The following DISP1 variants were observed in gnomAD, a reference collection of about 807,000 sequenced individuals.
The protein encoded by DISP1 is protein dispatched homolog 1.
In DISP1, 30 loss-of-function variants were observed where a neutral mutation model predicts 37.3. The ratio of observed to expected loss-of-function variants is 0.80; its 90% CI spans 0.60 to 1.09. The LOEUF is 1.09. Among genes scored for constraint, DISP1 ranks in the 50% least tolerant of loss-of-function variants. DISP1 has a pLI of 0.00. For synonymous variants in DISP1, 634 were observed against 690.2 expected (o/e 0.92, Z 1.28); for missense variants, 1,598 against 1,879.5 (o/e 0.85, Z 2.77).
In DISP1 at chr1:222,942,828, C is replaced by CTATG. The variant is rs1255146655; in HGVS notation, c.6_9dup (p.Ser4TyrfsTer7). The CTATG allele has an allele frequency of 6.2e-7, 1 of 1,613,992 alleles. No homozygotes were observed. Among genetic ancestry groups the CTATG allele is most frequent in the African/African-American group, 1.3e-5 (1 of 74,896 alleles). The stretch of plus-strand genomic sequence containing the variant: ...TTAGAGTCAAGAAATTGGAGCATGG[C>CTATG]TATGAGCAATGGAAACAATGATTTT... On this transcript the variant is annotated frameshift_variant, in exon 3 of 9. Coordinates refer to ENST00000675850, the MANE Select transcript of DISP1 (RefSeq NM_001377229.1). LOFTEE classifies it high-confidence loss of function.
intron 1 of DISP1, among the ~76,000 whole-genome samples, chr1:222,875,843 A>AAAG (rs1669944887): frequency 1.4e-5 from 2 of 145,246 alleles, no homozygotes; most frequent in Non-Finnish European, 3.1e-5. Context: ...AAAAAAAAAA[A>AAAG]AAAGAAAGAA....
At chr1:222,935,215 GT>G (rs1673646537) in intron 2 of DISP1, among the ~76,000 whole-genome samples, 1 of 152,116 alleles carries the variant, frequency 6.6e-6, no homozygotes, top group Non-Finnish European at 1.5e-5. Context: ...CTGGTTTAGT[GT>G]TTTGTATTTA....
At chr1:222,870,364 C>T (rs1669471233) in intron 1 of DISP1, among the ~76,000 whole-genome samples, 2 of 152,216 alleles carry the variant, frequency 1.3e-5, no homozygotes, top group Admixed American at 6.5e-5. Context: ...GGAATCTGCA[C>T]ACTGACTTCC....
intron 3 of DISP1, among the ~76,000 whole-genome samples, chr1:222,957,988 G>T (rs543915024): frequency 2.6e-5 from 4 of 152,304 alleles, no homozygotes; most frequent in South Asian, 2.1e-4. Flanking sequence ...ACATTATGCA[G>T]AAAACCTATT....
chr1:222,922,273 C>A (rs1672842928), intron 1 of DISP1, among the ~76,000 whole-genome samples: 1 of 152,052 alleles, frequency 6.6e-6, no homozygotes, highest in Non-Finnish European at 1.5e-5. Context: ...TTGATCAGAT[C>A]TATCTCTTAT....
chr1:222,943,141 T>C lies in DISP1; in HGVS notation c.318T>C (p.Pro106=). ...SHQECHPEAG[P]AAPSALASCC... ...AAGAGTGCCATCCCGAGGCTGGCCC[T>C]GCAGCACCCTCTGCTTTGGCCTCGT... The change falls in exon 3 of 9, where the codon CCT becomes CCC. Residue 106 remains proline, a synonymous_variant. Transcript: ENST00000675850. The C allele has an allele frequency of 1.2e-6, 2 of 1,613,314 alleles. No homozygotes were observed. The highest frequency in any genetic ancestry group is 1.7e-6 in the Non-Finnish European group (2 of 1,179,242).
chr1:222,819,515 T>C (rs201429005), intron 1 of DISP1, among the ~76,000 whole-genome samples: 8 of 139,254 alleles, frequency 5.7e-5, no homozygotes, highest in Non-Finnish European at 1.1e-4. Context: ...GTTATATACA[T>C]ACACACACAC....
intron 3 of DISP1, chr1:222,979,882 T>C: frequency 5.1e-6 from 1 of 196,876 alleles, no homozygotes; most frequent in Non-Finnish European, 1.1e-5. Context: ...TTGGCTTGTT[T>C]TGGTAATTAT....
At chr1:222,939,847 C>T (rs896519376) in intron 2 of DISP1, among the ~76,000 whole-genome samples, 5 of 150,572 alleles carry the variant, frequency 3.3e-5, no homozygotes, top group African/African-American at 7.3e-5. Flanking sequence ...AAAAAAAGGC[C>T]GGGCGCAGTG....
chr1:222,994,396 T>G (rs572193542), intron 7 of DISP1, among the ~76,000 whole-genome samples: 1 of 152,216 alleles, frequency 6.6e-6, no homozygotes, highest in Non-Finnish European at 1.5e-5. Flanking sequence ...TCGACCAGAA[T>G]GTGGCCAGCA....
intron 1 of DISP1, among the ~76,000 whole-genome samples, chr1:222,843,692 A>G (rs1667735731): frequency 1.3e-5 from 2 of 152,136 alleles, no homozygotes; most frequent in Non-Finnish European, 2.9e-5. Flanking sequence ...AGTTCTGTAA[A>G]AGTCCAGATT....
chr1:222,905,377 T>A (rs1450819205), intron 1 of DISP1, among the ~76,000 whole-genome samples: 1 of 152,178 alleles, frequency 6.6e-6, no homozygotes, highest in African/African-American at 2.4e-5. Flanking sequence ...AATCATGTAA[T>A]GAGCCTCATT....
chr1:222,977,534 C>CTT (rs35860006), intron 3 of DISP1, among the ~76,000 whole-genome samples: 8 of 132,406 alleles, frequency 6.0e-5, no homozygotes, highest in South Asian at 2.4e-4. Context: ...TTTTTAAATT[C>CTT]TTTTTTTTTT....
chr1:222,840,507 AC>A (rs1667528082), intron 1 of DISP1, among the ~76,000 whole-genome samples: 1 of 149,270 alleles, frequency 6.7e-6, no homozygotes, highest in Admixed American at 6.7e-5. Context: ...CTCCCAAAGT[AC>A]TAGGATTACA....
chr1:222,991,716 T>C, intron 6 of DISP1, 69 bp downstream of exon 6: 2 of 1,500,898 alleles, frequency 1.3e-6, no homozygotes, highest in South Asian at 1.2e-5. Flanking sequence ...CTTCAAATAC[T>C]GCCTAAACAA....
chr1:222,915,906 A>G (rs1397765998), intron 1 of DISP1, among the ~76,000 whole-genome samples: 1 of 152,186 alleles, frequency 6.6e-6, no homozygotes, highest in Non-Finnish European at 1.5e-5. Flanking sequence ...TTTGTAACCA[A>G]AGTATTAGAA....
chr1:222,840,942 T>C (rs766923522), intron 1 of DISP1, among the ~76,000 whole-genome samples: 8 of 152,186 alleles, frequency 5.3e-5, no homozygotes, highest in Admixed American at 6.5e-5. Context: ...ATACTATATG[T>C]ACACAACTTA....
At position 223,005,318 on chromosome 1, in the gene DISP1, G is replaced by A. The variant is rs749083760; in HGVS notation, c.3921G>A (p.Gln1307=). ...QCSPTTSSFV[Q]IQNGVAPLKA... ...CTCCTACCACTAGCAGCTTTGTCCA[G>A]ATCCAAAACGGCGTGGCACCTCTGA... The change falls in exon 9 of 9, where the codon CAG becomes CAA. Residue 1307 remains glutamine, a synonymous_variant. Transcript: ENST00000675850. 1 of 1,613,660 alleles carries A rather than the reference G, an allele frequency of 6.2e-7. No homozygotes were observed. Among genetic ancestry groups the A allele is most frequent in the Admixed American group, 1.7e-5 (1 of 60,024 alleles).
chr1:222,905,111 G>C (rs1354453614), intron 1 of DISP1, among the ~76,000 whole-genome samples: 3 of 151,976 alleles, frequency 2.0e-5, no homozygotes, highest in Non-Finnish European at 4.4e-5. Context: ...AGAACAAGTT[G>C]GAGCATAAAA....
Sources: gnomAD v4.1 joint callset for allele counts (sites outside exome capture counted in the v4.1 genomes callset) on GRCh38, gnomAD v4.1.1 for gene constraint, MANE v1.5 for transcripts, NCBI Gene and HGNC (gene_info 2026-07-23, HGNC 2026-07-21) for gene names.